SRGAP1: variants seen among roughly 807,000 people sequenced by gnomAD.
The protein encoded by SRGAP1 is SLIT-ROBO Rho GTPase activating protein 1, also known as SLIT-ROBO Rho GTPase-activating protein 1.
Under a neutral mutation model 121.9 loss-of-function variants are expected in SRGAP1, and 43 were observed. The ratio of observed to expected loss-of-function variants is 0.35; its 90% CI spans 0.28 to 0.46. The LOEUF (loss-of-function observed/expected upper bound fraction) is 0.46, where lower values mean the gene tolerates loss of function less well. Among genes scored for constraint, SRGAP1 ranks in the 20% least tolerant of loss-of-function variants. SRGAP1 has a pLI of 1.00. For synonymous variants in SRGAP1, 447 were observed against 485.4 expected (o/e 0.92, Z 1.04); for missense variants, 1,102 against 1,350.9 (o/e 0.82, Z 2.89).
intron 1 of SRGAP1, among the ~76,000 whole-genome samples, chr12:63,853,690 A>G (rs1326717473): frequency 2.0e-5 from 3 of 152,228 alleles, no homozygotes; most frequent in Non-Finnish European, 2.9e-5. Flanking sequence ...ACAAGCTGCA[A>G]TGCACGGGAG....
intron 1 of SRGAP1, among the ~76,000 whole-genome samples, chr12:63,880,152 A>G (rs868147828): frequency 6.6e-6 from 1 of 152,176 alleles, no homozygotes; most frequent in African/African-American, 2.4e-5. Flanking sequence ...GCTGCCATGT[A>G]AGACGTTCCT....
intron 1 of SRGAP1, among the ~76,000 whole-genome samples, chr12:63,883,604 C>T (rs12811552): frequency 0.21 from 31,334 of 151,988 alleles, 3,511 homozygotes; most frequent in East Asian, 0.35. Flanking sequence ...GTTCATCAAT[C>T]CAGGAGGTAT....
chr12:64,085,497 A>G (rs560722615), intron 10 of SRGAP1, among the ~76,000 whole-genome samples: 2 of 152,186 alleles, frequency 1.3e-5, no homozygotes, highest in East Asian at 3.9e-4. Flanking sequence ...TGGACCCAAC[A>G]CAACCTAAAT....
At chr12:63,877,636 A>C (rs1207638241) in intron 1 of SRGAP1, among the ~76,000 whole-genome samples, 3 of 152,204 alleles carry the variant, frequency 2.0e-5, no homozygotes, top group Non-Finnish European at 4.4e-5. Flanking sequence ...CAAAAATATT[A>C]AATTATCATT....
chr12:63,902,455 TA>T (rs1438069193), intron 1 of SRGAP1, among the ~76,000 whole-genome samples: 1 of 152,196 alleles, frequency 6.6e-6, no homozygotes, highest in African/African-American at 2.4e-5. Flanking sequence ...TCACAATTTG[TA>T]ATTTGTGGAA....
intron 1 of SRGAP1, among the ~76,000 whole-genome samples, chr12:63,899,187 G>T (rs1200658441): frequency 6.6e-6 from 1 of 152,082 alleles, no homozygotes; most frequent in African/African-American, 2.4e-5. Flanking sequence ...TTTGAAACCA[G>T]CCAGGGCAAC....
Position 64,115,842 on chromosome 12 carries a change from T to G in SRGAP1, c.2173T>G (p.Leu725Val). Residue 725 changes from leucine (L) to valine (V), a missense_variant, in exon 18 of 22, where the codon TTG becomes GTG. Leu to Val is a conservative substitution (Grantham distance 32). Transcript: ENST00000355086. ...CDSPYSEHGT[L>V]EEVDQDAGTE... The stretch of plus-strand genomic sequence containing the variant: ...CAGCCCATACAGTGAGCACGGTACA[T>G]TGGAGGAAGTGGACCAAGATGCTGG... 3 of 1,613,708 alleles carry G rather than the reference T, an allele frequency of 1.9e-6. No homozygotes were observed. The highest frequency in any genetic ancestry group is 2.5e-6 in the Non-Finnish European group (3 of 1,179,786).
intron 4 of SRGAP1, among the ~76,000 whole-genome samples, chr12:64,039,402 C>G (rs1193679134): frequency 6.6e-6 from 1 of 152,184 alleles, no homozygotes; most frequent in Non-Finnish European, 1.5e-5. Flanking sequence ...GCGCAGTATC[C>G]TTTCTCTCAG....
intron 21 of SRGAP1, among the ~76,000 whole-genome samples, chr12:64,139,102 G>A (rs2036915317): frequency 6.6e-6 from 1 of 152,212 alleles, no homozygotes; most frequent in African/African-American, 2.4e-5. Context: ...TGAACAAGGT[G>A]CAGGAAAATT....
intron 21 of SRGAP1, among the ~76,000 whole-genome samples, chr12:64,129,704 C>T (rs1174708834): frequency 1.3e-5 from 2 of 152,150 alleles, no homozygotes; most frequent in Non-Finnish European, 2.9e-5. Context: ...CAATCCCCAA[C>T]CCAAATGCTA....
intron 1 of SRGAP1, among the ~76,000 whole-genome samples, chr12:63,972,106 C>T (rs778527453): frequency 9.9e-5 from 15 of 152,168 alleles, no homozygotes; most frequent in Non-Finnish European, 1.6e-4. Flanking sequence ...GTAATCCCAG[C>T]ACTTTGGGAG....
At chr12:64,091,136 G>C (rs2036042993) in intron 11 of SRGAP1, 140 bp from the exon 12 acceptor site, 2 of 459,436 alleles carry the variant, frequency 4.4e-6, no homozygotes, top group African/African-American at 4.0e-5. Flanking sequence ...ATGGGAAATG[G>C]GAGGGAATGT....
At position 64,045,219 on chromosome 12, in the gene SRGAP1, G is replaced by A. The variant is rs1443922579; in HGVS notation, c.801+1644G>A. On this transcript the variant is annotated intron_variant, in intron 6 of 21. Transcript: ENST00000355086. ...TTCCAGCACCCTAATGAAATAAAAC[G>A]AACTTTTTCTGTTACACTGCCCCTA... Among the ~76,000 whole-genome samples the A allele has an allele frequency of 4.0e-5, 6 of 151,832 alleles. No homozygotes were observed. The East Asian group carries it at 1.2e-3, about 29-fold the overall frequency.
rs1015456643 is a variant in SRGAP1 at position 63,930,339 on chromosome 12, A to G, written c.68-53608A>G. ...AACATCGTCTCTACTAAAAAAAAAA[A>G]AAAAAAAAAAAAAGGGGAGCCCTCT... is the stretch of plus-strand genomic sequence containing the variant. On this transcript the variant is annotated intron_variant, in intron 1 of 21. Coordinates refer to ENST00000355086, the MANE Select transcript of SRGAP1 (RefSeq NM_020762.4). Among the ~76,000 whole-genome samples, 14 of 151,514 alleles carry G rather than the reference A, an allele frequency of 9.2e-5. 1 individual carries two copies. Among genetic ancestry groups the G allele is most frequent in the African/African-American group, 3.4e-4 (14 of 41,310 alleles).
intron 1 of SRGAP1, chr12:63,983,228 T>A (rs1350829661): frequency 6.6e-6 from 1 of 152,198 alleles, no homozygotes; most frequent in African/African-American, 2.4e-5. Flanking sequence ...AAATGTGTAA[T>A]GGTTCAGAGC....
chr12:64,151,574 C>T lies in SRGAP1; in HGVS notation c.*8902C>T, dbSNP rs190764792. The T allele has an allele frequency of 2.7e-4, 41 of 152,194 alleles. No homozygotes were observed. Among genetic ancestry groups the T allele is most frequent in the African/African-American group, 9.2e-4 (38 of 41,516 alleles). The allele number at this position is 152,194 out of a possible 1,614,324, so 9.4% of individuals were successfully genotyped here. On this transcript the variant is annotated 3_prime_UTR_variant, in exon 22 of 22. Coordinates refer to ENST00000355086, the MANE Select transcript of SRGAP1 (RefSeq NM_020762.4). ...AAGGCTCATGACAAATATTGCCGAC[C>T]TGTTTTCCAGCAAAGTTGTACAAAT... is the stretch of plus-strand genomic sequence containing the variant.
chr12:63,871,464 G>A (rs1375616983), intron 1 of SRGAP1, among the ~76,000 whole-genome samples: 1 of 152,086 alleles, frequency 6.6e-6, no homozygotes, highest in African/African-American at 2.4e-5. Context: ...AAGAACACAG[G>A]GCAATGTAAC....
At chr12:64,057,058 C>G (rs897156770) in intron 6 of SRGAP1, among the ~76,000 whole-genome samples, 2 of 152,254 alleles carry the variant, frequency 1.3e-5, no homozygotes. Flanking sequence ...AAATGAGTAG[C>G]AGCTCCTCTG....
chr12:63,907,248 T>C (rs1484439946), intron 1 of SRGAP1, among the ~76,000 whole-genome samples: 3 of 152,138 alleles, frequency 2.0e-5, no homozygotes, highest in African/African-American at 4.8e-5. Context: ...CATTTTAAAA[T>C]TGAGTTAGCC....
Sources: allele counts gnomAD v4.1 joint callset (sites outside exome capture counted in the v4.1 genomes callset), GRCh38; gene constraint gnomAD v4.1.1; transcripts MANE v1.5; gene names NCBI Gene and HGNC (gene_info 2026-07-23, HGNC 2026-07-21).